The following SPAG16 variants were observed in gnomAD, a reference collection of about 807,000 sequenced individuals.
SPAG16 encodes sperm associated antigen 16.
Under a neutral mutation model 80.4 loss-of-function variants are expected in SPAG16, and 86 were observed. That is an observed-to-expected ratio of 1.07 (90% CI 0.90 to 1.28). SPAG16 has a LOEUF of 1.28. Ranked by LOEUF, SPAG16 falls within the 50% of genes most tolerant of loss-of-function variation. The pLI is 0.00. For synonymous variants in SPAG16, 294 were observed against 265.9 expected (o/e 1.11, Z -1.03); for missense variants, 870 against 765.3 (o/e 1.14, Z -1.61).
rs1036527631 is a variant in SPAG16, at chr2:213,488,290, A to G, written c.943-1673A>G. On this transcript the variant is annotated intron_variant, in intron 9 of 15. Transcript: ENST00000331683. The stretch of plus-strand genomic sequence containing the variant: ...TACGCCATTAACAAAGATATGGTAA[A>G]TTGCACACAGTACTACATGACTGGC... Among the ~76,000 whole-genome samples the G allele has an allele frequency of 1.1e-4, 16 of 152,160 alleles. 1 individual carries two copies. The highest frequency in any genetic ancestry group is 3.6e-4 in the African/African-American group (15 of 41,404).
chr2:214,299,553 T>G (rs1247087601), intron 15 of SPAG16, among the ~76,000 whole-genome samples: 2 of 152,128 alleles, frequency 1.3e-5, no homozygotes, highest in African/African-American at 4.8e-5. Context: ...AGCCTATACT[T>G]CTGTGTACCA....
At chr2:213,769,485 A>G (rs975506769) in intron 10 of SPAG16, among the ~76,000 whole-genome samples, 1 of 152,192 alleles carries the variant, frequency 6.6e-6, no homozygotes, top group South Asian at 2.1e-4. Context: ...GTGGTATACC[A>G]GAGTCAGAAG....
chr2:213,869,010 G>T (rs953470882), intron 11 of SPAG16, among the ~76,000 whole-genome samples: 2 of 151,782 alleles, frequency 1.3e-5, no homozygotes, highest in African/African-American at 2.4e-5. Context: ...CCAGCACTTT[G>T]GGAGGCTGAG....
intron 15 of SPAG16, among the ~76,000 whole-genome samples, chr2:214,373,684 C>T (rs1301770663): frequency 2.0e-5 from 3 of 152,086 alleles, no homozygotes; most frequent in Non-Finnish European, 2.9e-5. Context: ...GGAGTGCAAA[C>T]TGGGAAGGAG....
intron 10 of SPAG16, among the ~76,000 whole-genome samples, chr2:213,802,567 T>G (rs2125642229): frequency 6.6e-6 from 1 of 152,230 alleles, no homozygotes. Context: ...TTGAGAAAAG[T>G]TAAAAAAAGC....
At chr2:213,505,482 G>A (rs559118539) in intron 10 of SPAG16, among the ~76,000 whole-genome samples, 10 of 152,158 alleles carry the variant, frequency 6.6e-5, no homozygotes, top group Admixed American at 2.0e-4. Context: ...TGAAAATATT[G>A]ATGAGTTAAT....
chr2:214,379,580 A>G (rs143971000), intron 15 of SPAG16, among the ~76,000 whole-genome samples: 4 of 152,370 alleles, frequency 2.6e-5, no homozygotes, highest in Non-Finnish European at 4.4e-5. Context: ...GAGGCTAAGA[A>G]GTCTGAAGAC....
chr2:214,169,917 T>A (rs1325063561), intron 15 of SPAG16, among the ~76,000 whole-genome samples: 1 of 152,008 alleles, frequency 6.6e-6, no homozygotes, highest in South Asian at 2.1e-4. Context: ...AGTGAACTAT[T>A]TGGAGGCCTG....
chr2:213,659,455 A>G (rs1220645542), intron 10 of SPAG16, among the ~76,000 whole-genome samples: 1 of 152,236 alleles, frequency 6.6e-6, no homozygotes, highest in Non-Finnish European at 1.5e-5. Context: ...AAAAATTGCA[A>G]TTATAAAGTT....
intron 5 of SPAG16, among the ~76,000 whole-genome samples, chr2:213,328,005 G>A (rs191890562): frequency 6.6e-6 from 1 of 152,132 alleles, no homozygotes; most frequent in East Asian, 1.9e-4. Flanking sequence ...TTTTGGAGGT[G>A]CTAAATTTGA....
chr2:214,283,726 G>A (rs1693136822), intron 15 of SPAG16, among the ~76,000 whole-genome samples: 1 of 152,188 alleles, frequency 6.6e-6, no homozygotes, highest in Non-Finnish European at 1.5e-5. Context: ...TGCTCTAATA[G>A]TTTTCTGTTT....
chr2:214,205,673 A>G (rs1205012594), intron 15 of SPAG16, among the ~76,000 whole-genome samples: 1 of 152,222 alleles, frequency 6.6e-6, no homozygotes, highest in East Asian at 1.9e-4. Context: ...ACATCAAAAT[A>G]TGCTAAATTA....
intron 7 of SPAG16, among the ~76,000 whole-genome samples, chr2:213,358,175 T>C (rs1313107108): frequency 6.6e-6 from 1 of 152,208 alleles, no homozygotes; most frequent in Admixed American, 6.5e-5. Context: ...CCTCTCTCTC[T>C]GGCGGCCCTT....
chr2:213,952,179 A>G (rs2079821401), intron 12 of SPAG16, among the ~76,000 whole-genome samples: 1 of 152,126 alleles, frequency 6.6e-6, no homozygotes. Flanking sequence ...GAATACAAAA[A>G]TGCATCGAAA....
chr2:213,954,353 G>A (rs993438094), intron 12 of SPAG16, among the ~76,000 whole-genome samples: 1 of 151,766 alleles, frequency 6.6e-6, no homozygotes, highest in African/African-American at 2.4e-5. Context: ...TGTATCAATA[G>A]CTTATCCATT....
chr2:214,307,572 C>T (rs1695006528), intron 15 of SPAG16, among the ~76,000 whole-genome samples: 1 of 152,078 alleles, frequency 6.6e-6, no homozygotes, highest in Admixed American at 6.6e-5. Flanking sequence ...AGCTGTGTCC[C>T]AGAGATTCTG....
At chr2:214,308,324 G>T (rs1349086068) in intron 15 of SPAG16, among the ~76,000 whole-genome samples, 4 of 152,124 alleles carry the variant, frequency 2.6e-5, no homozygotes, top group African/African-American at 4.8e-5. Context: ...ATACCATTGG[G>T]TCTTGGCTCT....
chr2:214,370,324 A>C (rs1018238308), intron 15 of SPAG16, among the ~76,000 whole-genome samples: 14 of 151,892 alleles, frequency 9.2e-5, no homozygotes, highest in Non-Finnish European at 1.5e-4. Context: ...CTATGTGTCC[A>C]CTCCCATCCA....
intron 10 of SPAG16, among the ~76,000 whole-genome samples, chr2:213,668,741 C>T (rs865895171): frequency 3.3e-5 from 5 of 151,968 alleles, no homozygotes; most frequent in African/African-American, 4.8e-5. Flanking sequence ...CTCCACCTCC[C>T]GGGTTCAAGC....
Sources: allele counts gnomAD v4.1 joint callset (sites outside exome capture counted in the v4.1 genomes callset), GRCh38; gene constraint gnomAD v4.1.1; transcripts MANE v1.5; gene names NCBI Gene and HGNC (gene_info 2026-07-23, HGNC 2026-07-21).